EEF1AKMT2: variants seen among roughly 807,000 people sequenced by gnomAD.
The protein encoded by EEF1AKMT2 is EEF1A lysine methyltransferase 2.
In EEF1AKMT2, 32 loss-of-function variants were observed where a neutral mutation model predicts 35.8. The ratio of observed to expected loss-of-function variants is 0.89; its 90% CI spans 0.67 to 1.20. The LOEUF (loss-of-function observed/expected upper bound fraction) is 1.20. Ranked by LOEUF, EEF1AKMT2 falls within the 50% of genes most tolerant of loss-of-function variation. The probability of loss-of-function intolerance (pLI) is 0.00; values close to 1 mark genes in which losing one functional copy is unlikely to be tolerated. For missense variants in EEF1AKMT2, 330 were observed against 347.5 expected (o/e 0.95, Z 0.40); for synonymous variants, 121 against 133.7 (o/e 0.91, Z 0.65).
At chr10:124,775,214 T>C (rs1015069251) in intron 3 of EEF1AKMT2, among the ~76,000 whole-genome samples, 7 of 152,248 alleles carry the variant, frequency 4.6e-5, no homozygotes, top group African/African-American at 1.7e-4. Context: ...AGTGTAATTA[T>C]ACATTATGCA....
chr10:124,772,992 G>T (rs1950451414), intron 4 of EEF1AKMT2, among the ~76,000 whole-genome samples: 1 of 152,144 alleles, frequency 6.6e-6, no homozygotes, highest in East Asian at 1.9e-4. Flanking sequence ...TTTCCTTAAA[G>T]AAATTTTGTT....
At position 124,769,994 on chromosome 10, in the gene EEF1AKMT2, T is replaced by C. The variant is rs554130636; in HGVS notation, c.400-4386A>G. Among the ~76,000 whole-genome samples the C allele has an allele frequency of 2.7e-5, 4 of 145,674 alleles. No homozygotes were observed. The South Asian group carries it at 8.9e-4, about 32-fold the overall frequency. ...AAATTGGGTGCCTTAAAAAATACTT[T>C]ATTGTAGGCCAGGAGTGGTGGCTCA... On this transcript the variant is annotated intron_variant, in intron 4 of 6. Coordinates refer to ENST00000368836, the MANE Select transcript of EEF1AKMT2 (RefSeq NM_212554.4).
At chr10:124,774,472 T>A (rs569142269) in intron 4 of EEF1AKMT2, among the ~76,000 whole-genome samples, 1 of 147,166 alleles carries the variant, frequency 6.8e-6, no homozygotes, top group South Asian at 2.2e-4. Context: ...TCAGGAGCAG[T>A]AGTGTATGAA....
At chr10:124,766,546 AT>A (rs1346131259) in intron 4 of EEF1AKMT2, among the ~76,000 whole-genome samples, 1 of 152,222 alleles carries the variant, frequency 6.6e-6, no homozygotes, top group Non-Finnish European at 1.5e-5. Flanking sequence ...CTGAAAACTC[AT>A]TTTGAAAAAA....
At chr10:124,765,354 G>A (rs1290253857) in intron 5 of EEF1AKMT2, 38 bp downstream of exon 5, 6 of 1,530,334 alleles carry the variant, frequency 3.9e-6, no homozygotes, top group Non-Finnish European at 5.4e-6. Flanking sequence ...CATGAAACCT[G>A]AGGTAAGCAC....
In EEF1AKMT2 at chr10:124,791,771, A is replaced by G. The variant is rs753434482; in HGVS notation, c.63T>C (p.Ser21=). ...ACGGGACGAAACCGTCCTCCCCGGG[A>G]CTGCCCTTGTCCGACCGCGCCGCCA... ...AAVAARSDKG[S]PGEDGFVPSA... Residue 21 remains serine, a synonymous_variant, in exon 1 of 7, where the codon AGT becomes AGC. Coordinates refer to ENST00000368836, the MANE Select transcript of EEF1AKMT2 (RefSeq NM_212554.4). 3.1e-6 allele frequency: 5 copies of G among 1,596,186 alleles called. No homozygotes were observed. Among genetic ancestry groups the G allele is most frequent in the Non-Finnish European group, 8.5e-7 (1 of 1,175,582 alleles).
chr10:124,774,876 T>C, intron 3 of EEF1AKMT2, 94 bp from the exon 4 acceptor site: 1 of 506,838 alleles, frequency 2.0e-6, no homozygotes, highest in Non-Finnish European at 3.2e-6. Context: ...TGATGTCTTA[T>C]TTTTGATGTA....
chr10:124,774,571 TTA>T, intron 4 of EEF1AKMT2, 102 bp downstream of exon 4: 2 of 568,396 alleles, frequency 3.5e-6, no homozygotes, highest in Non-Finnish European at 5.2e-6. Context: ...TTTGTATTAT[TTA>T]TGATTGATCC....
chr10:124,788,710 T>TTATATATATATATATATATATATATA (rs146577563), intron 3 of EEF1AKMT2, among the ~76,000 whole-genome samples: 7,350 of 89,810 alleles, frequency 0.082, 1,053 homozygotes, highest in Non-Finnish European at 0.12. Context: ...AAGGTCATCT[T>TTATATATATATATATATATATATATA]TATATATATA....
chr10:124,791,873 A>AC lies in EEF1AKMT2; in HGVS notation c.-41_-40insG. On this transcript the variant is annotated 5_prime_UTR_variant, in exon 1 of 7. Coordinates refer to ENST00000368836, the MANE Select transcript of EEF1AKMT2 (RefSeq NM_212554.4). Reference sequence around the variant, plus strand: ...TGGACGGCCGTTGGGGCCGCCATAGAGACGGGGCACAGGCAGAGCGGACGA... The same window carrying AC: ...TGGACGGCCGTTGGGGCCGCCATAGACGACGGGGCACAGGCAGAGCGGACGA... The AC allele has an allele frequency of 6.5e-7, 1 of 1,533,904 alleles. No individual in the cohort carries two copies. Among genetic ancestry groups the AC allele is most frequent in the Non-Finnish European group, 8.7e-7 (1 of 1,145,918 alleles).
rs1359303491 is a variant in EEF1AKMT2 at position 124,758,685 on chromosome 10, A to G, written c.*1818T>C. 6.6e-6 allele frequency: 1 copy of G among 152,110 alleles called. No individual in the cohort carries two copies. Among genetic ancestry groups the G allele is most frequent in the Non-Finnish European group, 1.5e-5 (1 of 68,018 alleles). The allele number at this position is 152,110 out of a possible 1,614,324, so 9.4% of individuals were successfully genotyped here. On this transcript the variant is annotated 3_prime_UTR_variant, in exon 7 of 7. Coordinates refer to ENST00000368836, the MANE Select transcript of EEF1AKMT2 (RefSeq NM_212554.4). ...GGATTAGCACATTAAAATAGCATAT[A>G]CTTAACTCAAAATTCTAAGAGTACT...
At chr10:124,783,248 C>A (rs1950558527) in intron 3 of EEF1AKMT2, among the ~76,000 whole-genome samples, 1 of 144,856 alleles carries the variant, frequency 6.9e-6, no homozygotes, top group Non-Finnish European at 1.5e-5. Context: ...TCAAGCAATT[C>A]TCCCACCTCA....
At chr10:124,776,646 G>A (rs1200390424) in intron 3 of EEF1AKMT2, among the ~76,000 whole-genome samples, 1 of 151,522 alleles carries the variant, frequency 6.6e-6, no homozygotes, top group Non-Finnish European at 1.5e-5. Flanking sequence ...AAATTAGCCA[G>A]GCTAATTTTG....
intron 3 of EEF1AKMT2, among the ~76,000 whole-genome samples, chr10:124,786,377 G>T (rs1950584063): frequency 6.6e-6 from 1 of 151,966 alleles, no homozygotes; most frequent in Non-Finnish European, 1.5e-5. Flanking sequence ...GTGGTGGTGG[G>T]TGCCTGTAAT....
Position 124,790,276 on chromosome 10 carries a change from A to G in EEF1AKMT2, c.173T>C (p.Ile58Thr). 1 of 1,606,062 alleles carries G rather than the reference A, an allele frequency of 6.2e-7. No individual in the cohort carries two copies. The highest frequency in any genetic ancestry group is 8.5e-7 in the Non-Finnish European group (1 of 1,172,710). Reference protein sequence around the residue: ...TFREYGDTGEIWFGEESMNRL... With the variant: ...TFREYGDTGETWFGEESMNRL... ...CTTGATTCTTTTCCTAACTCACCAG[A>G]TTTCACCTGTATCTCCATATTCTCG... The change falls in exon 2 of 7, where the codon ATC (isoleucine) becomes ACC (threonine). Residue 58 changes from isoleucine to threonine, a missense_variant. Physicochemically the swap from Ile to Thr is moderately conservative, Grantham distance 89. Coordinates refer to ENST00000368836, the MANE Select transcript of EEF1AKMT2 (RefSeq NM_212554.4).
intron 4 of EEF1AKMT2, among the ~76,000 whole-genome samples, chr10:124,774,009 A>T (rs936855631): frequency 6.6e-6 from 1 of 152,316 alleles, no homozygotes; most frequent in East Asian, 1.9e-4. Flanking sequence ...CATCTCACAG[A>T]TCATAGGACA....
chr10:124,781,862 C>A (rs1950543129), intron 3 of EEF1AKMT2, among the ~76,000 whole-genome samples: 2 of 151,278 alleles, frequency 1.3e-5, no homozygotes, highest in East Asian at 3.9e-4. Flanking sequence ...TGAAAAAAAT[C>A]ATAATATTAT....
chr10:124,788,728 AT>A (rs1950610108), intron 3 of EEF1AKMT2, among the ~76,000 whole-genome samples: 1 of 142,322 alleles, frequency 7.0e-6, no homozygotes, highest in African/African-American at 2.6e-5. Context: ...ATATATATAT[AT>A]GCATTTCTAG....
At chr10:124,790,634 C>A (rs1950626189) in intron 1 of EEF1AKMT2, among the ~76,000 whole-genome samples, 1 of 152,186 alleles carries the variant, frequency 6.6e-6, no homozygotes, top group African/African-American at 2.4e-5. Flanking sequence ...ATCCCTAAGT[C>A]CCTGACCCAA....
Sources: allele counts gnomAD v4.1 joint callset (sites outside exome capture counted in the v4.1 genomes callset), GRCh38; gene constraint gnomAD v4.1.1; transcripts MANE v1.5; gene names NCBI Gene and HGNC (gene_info 2026-07-23, HGNC 2026-07-21).